The following LHCGR variants were observed in gnomAD, a reference collection of about 807,000 sequenced individuals.
LHCGR encodes lutropin-choriogonadotropic hormone receptor.
Under a neutral mutation model 60.7 loss-of-function variants are expected in LHCGR, and 55 were observed. That is an observed-to-expected ratio of 0.91 (90% CI 0.73 to 1.13). The LOEUF (loss-of-function observed/expected upper bound fraction) is 1.13, where lower values mean the gene tolerates loss of function less well. Ranked by LOEUF, LHCGR falls within the 50% of genes most tolerant of loss-of-function variation. The probability of loss-of-function intolerance (pLI) is 0.00; values close to 1 mark genes in which losing one functional copy is unlikely to be tolerated. For missense variants in LHCGR, 862 were observed against 836.0 expected (o/e 1.03, Z -0.38); for synonymous variants, 337 against 316.5 (o/e 1.06, Z -0.69).
chr2:48,706,963 G>A (rs1226568763), intron 8 of LHCGR, among the ~76,000 whole-genome samples: 1 of 152,192 alleles, frequency 6.6e-6, no homozygotes, highest in Non-Finnish European at 1.5e-5. Context: ...CTTTGGAGGA[G>A]AAGCGATGTT....
intron 1 of LHCGR, among the ~76,000 whole-genome samples, chr2:48,736,150 A>G (rs1343720349): frequency 6.6e-6 from 1 of 152,088 alleles, no homozygotes; most frequent in Non-Finnish European, 1.5e-5. Context: ...TTTGTAAATT[A>G]CCCAGTCTTG....
chr2:48,707,146 G>C (rs1025161932), intron 8 of LHCGR, among the ~76,000 whole-genome samples: 5 of 152,210 alleles, frequency 3.3e-5, no homozygotes, highest in African/African-American at 4.8e-5. Flanking sequence ...CTAACAGTCA[G>C]GCCCGTCAGC....
At chr2:48,753,896 A>G (rs1299942955) in intron 1 of LHCGR, among the ~76,000 whole-genome samples, 1 of 152,102 alleles carries the variant, frequency 6.6e-6, no homozygotes, top group Non-Finnish European at 1.5e-5. Context: ...TAATAGATAA[A>G]ATCCTGAATT....
rs148903315 is a variant in LHCGR at position 48,723,169 on chromosome 2, AG to A, written c.536+286del. On this transcript the variant is annotated intron_variant, in intron 6 of 10. Transcript: ENST00000294954. Reference sequence around the variant, plus strand: ...CTCTAGACTGTGTCTTCCCAGCCTTAGAGCATTCTCCATTAATGCAGTGAAC... The same window carrying A: ...CTCTAGACTGTGTCTTCCCAGCCTTAAGCATTCTCCATTAATGCAGTGAAC... 3.3e-4 allele frequency among the ~76,000 whole-genome samples: 51 copies of A among 152,360 alleles called. 1 individual carries two copies. In the East Asian group the frequency reaches 9.6e-3, roughly 29 times the overall value.
At chr2:48,712,418 C>G (rs983460987) in intron 7 of LHCGR, among the ~76,000 whole-genome samples, 2 of 152,082 alleles carry the variant, frequency 1.3e-5, no homozygotes, top group African/African-American at 4.8e-5. Context: ...TCTGAGAGAA[C>G]TGTGCCAGGA....
intron 3 of LHCGR, among the ~76,000 whole-genome samples, chr2:48,727,254 T>C (rs766890143): frequency 3.3e-5 from 5 of 151,770 alleles, no homozygotes; most frequent in Non-Finnish European, 7.4e-5. Flanking sequence ...AGTGAGACCC[T>C]GTATAAAAAA....
chr2:48,730,339 G>C (rs1321617594), intron 2 of LHCGR, among the ~76,000 whole-genome samples: 3 of 152,196 alleles, frequency 2.0e-5, no homozygotes, highest in African/African-American at 2.4e-5. Context: ...GAGCAGAAGA[G>C]TGTGGGTTAA....
intron 1 of LHCGR, among the ~76,000 whole-genome samples, chr2:48,745,613 G>A (rs1280917954): frequency 6.8e-5 from 10 of 146,966 alleles, no homozygotes; most frequent in Admixed American, 6.3e-4. Context: ...ACCAAACACC[G>A]CATATTCTCA....
intron 8 of LHCGR, among the ~76,000 whole-genome samples, chr2:48,700,435 A>G (rs554231288): frequency 6.6e-6 from 1 of 152,242 alleles, no homozygotes; most frequent in East Asian, 1.9e-4. Context: ...GAAGAGACCT[A>G]GGTCTGGTGC....
At chr2:48,721,640 A>G in intron 6 of LHCGR, 1 of 467,634 alleles carries the variant, frequency 2.1e-6, no homozygotes, top group South Asian at 1.6e-5. Context: ...GAATCCAGTG[A>G]TATAAAAGAG....
intron 8 of LHCGR, among the ~76,000 whole-genome samples, chr2:48,703,788 C>T (rs747618218): frequency 8.5e-5 from 13 of 152,156 alleles, no homozygotes; most frequent in Admixed American, 3.3e-4. Context: ...AGATTTTGGG[C>T]GGAGACGATA....
chr2:48,713,403 A>T (rs1183603419), intron 7 of LHCGR, among the ~76,000 whole-genome samples: 1 of 152,160 alleles, frequency 6.6e-6, no homozygotes, highest in Non-Finnish European at 1.5e-5. Context: ...AAGAGGAGCC[A>T]TAGAAGGAAA....
rs1354442233 is a variant in LHCGR at position 48,742,622 on chromosome 2, T to G, written c.162-11324A>C. 3.7e-3 allele frequency among the ~76,000 whole-genome samples: 567 copies of G among 151,228 alleles called. 1 individual carries two copies. Among genetic ancestry groups the G allele is most frequent in the Admixed American group, 8.9e-3 (136 of 15,208 alleles). ...GTACATAACAAAATGAAGGCAGAAA[T>G]AAAGATGTTCTTTGAAACCAACGAG... On this transcript the variant is annotated intron_variant, in intron 1 of 10. Coordinates refer to ENST00000294954, the MANE Select transcript of LHCGR (RefSeq NM_000233.4).
Position 48,698,725 on chromosome 2 carries a change from T to C in LHCGR, c.756A>G (p.Ser252=). The C allele has an allele frequency of 6.2e-7, 1 of 1,614,134 alleles. No homozygotes were observed. The highest frequency in any genetic ancestry group is 8.5e-7 in the Non-Finnish European group (1 of 1,179,970). The change falls in exon 9 of 11, where the codon TCA becomes TCG. Residue 252 remains serine, a synonymous_variant. Coordinates refer to ENST00000294954, the MANE Select transcript of LHCGR (RefSeq NM_000233.4). ...ATGGCAATTTTTTTAGAGAATAGGA[T>C]GACGTGGCAATTAGCCTCTGAATGG... The part of the protein sequence containing the change: ...LESIQRLIAT[S]SYSLKKLPSR...
chr2:48,743,053 T>C (rs1669541085), intron 1 of LHCGR, among the ~76,000 whole-genome samples: 1 of 152,146 alleles, frequency 6.6e-6, no homozygotes, highest in Admixed American at 6.5e-5. Context: ...CATCAGAGAA[T>C]ACTACAAACA....
At chr2:48,727,890 T>C (rs1384193078) in intron 3 of LHCGR, among the ~76,000 whole-genome samples, 3 of 152,220 alleles carry the variant, frequency 2.0e-5, no homozygotes, top group Admixed American at 6.5e-5. Flanking sequence ...TAATTATTCA[T>C]TGGGTCATTT....
At chr2:48,691,768 C>A (rs2104370380) in intron 10 of LHCGR, among the ~76,000 whole-genome samples, 1 of 151,216 alleles carries the variant, frequency 6.6e-6, no homozygotes, top group Non-Finnish European at 1.5e-5. Flanking sequence ...ATCGCTTGAA[C>A]TCGGGAGGTG....
intron 4 of LHCGR, among the ~76,000 whole-genome samples, chr2:48,724,807 C>T (rs1396225264): frequency 6.6e-6 from 1 of 152,092 alleles, no homozygotes; most frequent in Admixed American, 6.6e-5. Flanking sequence ...TTAGAGTTAA[C>T]AAAGGAGCTA....
At chr2:48,702,511 T>C (rs1436187894) in intron 8 of LHCGR, among the ~76,000 whole-genome samples, 2 of 152,096 alleles carry the variant, frequency 1.3e-5, no homozygotes, top group Non-Finnish European at 2.9e-5. Context: ...GAACATGCGG[T>C]GTTTAGTTTT....
Sources: gnomAD v4.1 joint callset for allele counts (sites outside exome capture counted in the v4.1 genomes callset) on GRCh38, gnomAD v4.1.1 for gene constraint, MANE v1.5 for transcripts, NCBI Gene and HGNC (gene_info 2026-07-23, HGNC 2026-07-21) for gene names.